TTC32: variants seen among roughly 807,000 people sequenced by gnomAD.
TTC32 encodes the protein tetratricopeptide repeat protein 32.
TTC32 carries 16 observed loss-of-function variants against 15.3 expected under a neutral mutation model. The ratio of observed to expected loss-of-function variants is 1.05; its 90% CI spans 0.71 to 1.59. The LOEUF (loss-of-function observed/expected upper bound fraction) is 1.59. Among genes scored for constraint, TTC32 ranks in the 40% most tolerant of loss-of-function variants. The pLI is 0.00. For synonymous variants in TTC32, 89 were observed against 67.8 expected (o/e 1.31, Z -1.53); for missense variants, 188 against 181.9 (o/e 1.03, Z -0.19).
At position 19,901,709 on chromosome 2, in the gene TTC32, C is replaced by T. The variant is rs757577106; in HGVS notation, c.146G>A (p.Gly49Glu). The change falls in exon 1 of 3, where the codon GGG becomes GAG. Residue 49 changes from glycine to glutamate, a missense_variant. Physicochemically the swap from Gly to Glu is moderately conservative, Grantham distance 98. Transcript: ENST00000333610. ...CCCCAGGTCTCGCGATAGTTACCTC[C>T]CGGGACTCTCGTCGCTGGAGGCCGC... The part of the protein sequence containing the change: ...ACAASSDESP[G>E]SKCSPEDLAT... The T allele has an allele frequency of 6.2e-7, 1 of 1,611,768 alleles. No individual in the cohort carries two copies. Among genetic ancestry groups the T allele is most frequent in the South Asian group, 1.1e-5 (1 of 90,954 alleles).
Position 19,901,709 on chromosome 2 carries a change from C to A in TTC32, c.146G>T (p.Gly49Val), listed in dbSNP as rs757577106. 13 of 1,611,650 alleles carry A rather than the reference C, an allele frequency of 8.1e-6. No homozygotes were observed. Among genetic ancestry groups the A allele is most frequent in the Non-Finnish European group, 1.0e-5 (12 of 1,178,246 alleles). ...ACAASSDESP[G>V]SKCSPEDLAT... ...CCCCAGGTCTCGCGATAGTTACCTC[C>A]CGGGACTCTCGTCGCTGGAGGCCGC... The change falls in exon 1 of 3, where the codon GGG becomes GTG. Residue 49 changes from glycine (G) to valine (V), a missense_variant. Coordinates refer to ENST00000333610, the MANE Select transcript of TTC32 (RefSeq NM_001008237.3).
intron 1 of TTC32, 50 bp downstream of exon 1, chr2:19,901,656 A>C (rs897409900): frequency 6.3e-7 from 1 of 1,583,408 alleles, no homozygotes; most frequent in African/African-American, 1.3e-5. Context: ...AACAACCCCA[A>C]CGTCGCCTCC....
At position 19,901,787 on chromosome 2, in the gene TTC32, T is replaced by A; in HGVS notation, c.68A>T (p.Glu23Val). Reference sequence around the variant, plus strand: ...GTACAGTGCCTCGGCCTCCGCGTACTCTCCATTGTTGAAATGAGCCTGGGC... The same window carrying A: ...GTACAGTGCCTCGGCCTCCGCGTACACTCCATTGTTGAAATGAGCCTGGGC... Reference protein sequence around the residue: ...TLAQAHFNNGEYAEAEALYSA... With the variant: ...TLAQAHFNNGVYAEAEALYSA... Residue 23 changes from glutamate to valine, a missense_variant, in exon 1 of 3, where the codon GAG (glutamate) becomes GTG (valine). Glu to Val is a moderately radical substitution (Grantham distance 121). Coordinates refer to ENST00000333610, the MANE Select transcript of TTC32 (RefSeq NM_001008237.3). 1 of 1,614,176 alleles carries A rather than the reference T, an allele frequency of 6.2e-7. No individual in the cohort carries two copies. The highest frequency in any genetic ancestry group is 8.5e-7 in the Non-Finnish European group (1 of 1,180,026).
In TTC32 at chr2:19,897,941, T is replaced by A. The variant is rs1572291109; in HGVS notation, c.244A>T (p.Thr82Ser). 6.2e-7 allele frequency: 1 copy of A among 1,613,026 alleles called. No individual in the cohort carries two copies. The highest frequency in any genetic ancestry group is 8.5e-7 in the Non-Finnish European group (1 of 1,179,090). Residue 82 changes from threonine (T) to serine (S), a missense_variant, in exon 2 of 3, where the codon ACA becomes TCA. Thr to Ser is a moderately conservative substitution (Grantham distance 58). Coordinates refer to ENST00000333610, the MANE Select transcript of TTC32 (RefSeq NM_001008237.3). ...TTGGGTTGGACTTCTATGGCAGATG[T>A]GTAGTCATCCATGGCTTCATAAAAA... The part of the protein sequence containing the change: ...VDFYEAMDDY[T>S]SAIEVQPNFE...
At chr2:19,901,482 G>A (rs1272873602) in intron 1 of TTC32, 4 of 568,768 alleles carry the variant, frequency 7.0e-6, no homozygotes, top group Non-Finnish European at 3.0e-6. Context: ...GCACCGTCGC[G>A]GCAGCTGGCT....
intron 1 of TTC32, among the ~76,000 whole-genome samples, chr2:19,900,238 T>C (rs1669578847): frequency 6.6e-6 from 1 of 152,250 alleles, no homozygotes; most frequent in Non-Finnish European, 1.5e-5. Flanking sequence ...GTAAGTCTAC[T>C]CTTAGAGCTT....
intron 1 of TTC32, among the ~76,000 whole-genome samples, chr2:19,899,361 G>T (rs1669564145): frequency 6.6e-6 from 1 of 152,192 alleles, no homozygotes; most frequent in African/African-American, 2.4e-5. Flanking sequence ...ATCTCAGGAT[G>T]CCAGTAAGGT....
intron 1 of TTC32, 132 bp downstream of exon 1, chr2:19,901,574 C>T: frequency 7.9e-7 from 1 of 1,266,630 alleles, no homozygotes; most frequent in South Asian, 1.6e-5. Context: ...GACGAACGTC[C>T]GCCCGCTCAG....
rs1004241784 is a variant in TTC32, at chr2:19,896,746, C to T, written c.*241G>A. On this transcript the variant is annotated 3_prime_UTR_variant, in exon 3 of 3. Transcript: ENST00000333610. ...AATAGTTTTGCTGAAGAAAATACCA[C>T]ACATTCCTTTTTACTATAATATTTA... The T allele has an allele frequency of 2.3e-5, 4 of 171,432 alleles. No individual in the cohort carries two copies. Among genetic ancestry groups the T allele is most frequent in the Admixed American group, 1.3e-4 (2 of 15,816 alleles). 10.6% of individuals were successfully genotyped at this position (171,432 alleles called of 1,614,324 possible).
rs563184866 is a variant in TTC32 at position 19,901,689 on chromosome 2, G to A, written c.149+17C>T. Reference sequence around the variant, plus strand: ...TCCACCCGGGGTCGCCGCGGCCCCAGGTCTCGCGATAGTTACCTCCCGGGA... The same window carrying A: ...TCCACCCGGGGTCGCCGCGGCCCCAAGTCTCGCGATAGTTACCTCCCGGGA... On this transcript the variant is annotated intron_variant, in intron 1 of 2. Transcript: ENST00000333610. 3 of 1,605,058 alleles carry A rather than the reference G, an allele frequency of 1.9e-6. No individual in the cohort carries two copies. Among genetic ancestry groups the A allele is most frequent in the Middle Eastern group, 1.7e-4 (1 of 5,756 alleles).
At chr2:19,900,228 G>C (rs1255852291) in intron 1 of TTC32, among the ~76,000 whole-genome samples, 3 of 152,188 alleles carry the variant, frequency 2.0e-5, no homozygotes, top group African/African-American at 7.2e-5. Flanking sequence ...AATCTACTAG[G>C]TAAGTCTACT....
At chr2:19,899,675 AT>A (rs35152115) in intron 1 of TTC32, among the ~76,000 whole-genome samples, 37,151 of 149,432 alleles carry the variant, frequency 0.25, 4,718 homozygotes, top group Non-Finnish European at 0.25. Flanking sequence ...AAAAAAAAAT[AT>A]TTTTTATATA....
chr2:19,900,553 C>T (rs569631676), intron 1 of TTC32, among the ~76,000 whole-genome samples: 67 of 152,320 alleles, frequency 4.4e-4, no homozygotes, highest in African/African-American at 1.6e-3. Context: ...CAACCAACCC[C>T]TCTGTTCTTT....
At chr2:19,898,474 T>G (rs1009298101) in intron 1 of TTC32, 1 of 153,062 alleles carries the variant, frequency 6.5e-6, no homozygotes, top group Non-Finnish European at 1.5e-5. Context: ...TAAGTGATCT[T>G]AAAACAATAA....
At position 19,898,049 on chromosome 2, in the gene TTC32, G is replaced by A. The variant is rs1669539130; in HGVS notation, c.150-14C>T. ...GGGCTGCATTTGCTTTAAACAAAAA[G>A]TTCACATTAAAAACACCGTGTTACC... is the stretch of plus-strand genomic sequence containing the variant. On this transcript the variant is annotated splice_polypyrimidine_tract_variant and intron_variant, in intron 1 of 2. Transcript: ENST00000333610. 6.8e-7 allele frequency: 1 copy of A among 1,477,526 alleles called. No homozygotes were observed. The highest frequency in any genetic ancestry group is 2.4e-5 in the East Asian group (1 of 42,136). 91.5% of individuals were successfully genotyped at this position (1,477,526 alleles called of 1,614,324 possible).
At position 19,901,974 on chromosome 2, in the gene TTC32, G is replaced by C; in HGVS notation, c.-120C>G. On this transcript the variant is annotated 5_prime_UTR_variant, in exon 1 of 3. Coordinates refer to ENST00000333610, the MANE Select transcript of TTC32 (RefSeq NM_001008237.3). ...CCTTGACAGCCAACCTTGGCGCTAG[G>C]TTTGTGCCTTATGGGGATCCGTCGT... The C allele has an allele frequency of 1.5e-6, 2 of 1,300,504 alleles. No individual in the cohort carries two copies. Among genetic ancestry groups the C allele is most frequent in the Non-Finnish European group, 2.1e-6 (2 of 936,680 alleles). 80.6% of individuals were successfully genotyped at this position (1,300,504 alleles called of 1,614,324 possible).
chr2:19,897,892 C>G lies in TTC32; in HGVS notation c.293G>C (p.Arg98Thr). Residue 98 changes from arginine to threonine, a missense_variant, in exon 2 of 3, where the codon AGA (arginine) becomes ACA (threonine). Arg to Thr is a moderately conservative substitution (Grantham distance 71). Transcript: ENST00000333610. Reference protein sequence around the residue: ...QPNFEVPYYNRGLILYRLGYF... With the variant: ...QPNFEVPYYNTGLILYRLGYF... ...ACCCAGCCTATACAGTATCAACCCTCTGTTGTAATATGGAACTTCAAAATT... is the reference window on the plus strand; with the variant it reads ...ACCCAGCCTATACAGTATCAACCCTGTGTTGTAATATGGAACTTCAAAATT... 6.2e-7 allele frequency: 1 copy of G among 1,610,124 alleles called. No individual in the cohort carries two copies. Among genetic ancestry groups the G allele is most frequent in the Non-Finnish European group, 8.5e-7 (1 of 1,177,292 alleles).
At position 19,901,715 on chromosome 2, in the gene TTC32, C is replaced by T. The variant is rs1488794032; in HGVS notation, c.140G>A (p.Ser47Asn). 6.2e-7 allele frequency: 1 copy of T among 1,612,188 alleles called. No individual in the cohort carries two copies. The highest frequency in any genetic ancestry group is 1.3e-5 in the African/African-American group (1 of 74,914). The change falls in exon 1 of 3, where the codon AGT (serine) becomes AAT (asparagine). Residue 47 changes from serine (S) to asparagine (N), a missense_variant. Coordinates refer to ENST00000333610, the MANE Select transcript of TTC32 (RefSeq NM_001008237.3). ...GTCTCGCGATAGTTACCTCCCGGGACTCTCGTCGCTGGAGGCCGCGCAAGC... is the reference window on the plus strand; with the variant it reads ...GTCTCGCGATAGTTACCTCCCGGGATTCTCGTCGCTGGAGGCCGCGCAAGC... Reference protein sequence around the residue: ...RCACAASSDESPGSKCSPEDL... With the variant: ...RCACAASSDENPGSKCSPEDL...
chr2:19,898,299 T>C, intron 1 of TTC32: 1 of 313,980 alleles, frequency 3.2e-6, no homozygotes, highest in East Asian at 5.2e-5. Context: ...TGCCAATTTG[T>C]TCTGCTGAAT....
Sources: gnomAD v4.1 joint callset for allele counts (sites outside exome capture counted in the v4.1 genomes callset) on GRCh38, gnomAD v4.1.1 for gene constraint, MANE v1.5 for transcripts, NCBI Gene and HGNC (gene_info 2026-07-23, HGNC 2026-07-21) for gene names.